Variants in CFI observed in about 807,000 individuals in gnomAD.
The protein encoded by CFI is complement factor I.
CFI carries 66 observed loss-of-function variants against 78.8 expected under a neutral mutation model. The ratio of observed to expected loss-of-function variants is 0.84; its 90% CI spans 0.69 to 1.03. CFI has a LOEUF of 1.03. CFI is among the 50% of genes least tolerant of loss of function. The pLI is 0.00. For synonymous variants in CFI, 250 were observed against 232.6 expected (o/e 1.07, Z -0.68); for missense variants, 706 against 704.5 (o/e 1.00, Z -0.02).
At chr4:109,751,366 A>T (rs1305295338) in intron 8 of CFI, among the ~76,000 whole-genome samples, 1 of 149,952 alleles carries the variant, frequency 6.7e-6, no homozygotes, top group Non-Finnish European at 1.5e-5. Context: ...AATGAATGTT[A>T]TTCTGAGTAA....
At chr4:109,777,078 A>G (rs1200967854) in intron 1 of CFI, among the ~76,000 whole-genome samples, 1 of 152,200 alleles carries the variant, frequency 6.6e-6, no homozygotes, top group Non-Finnish European at 1.5e-5. Flanking sequence ...CGAGCAAAAT[A>G]ACCAGCTAAC....
In CFI at chr4:109,761,498, A is replaced by T. The variant is rs2075503224; in HGVS notation, c.658+19T>A. ...CAACCTTCAAGGAAGGGAAAATAAC[A>T]GGCAAATACTCCACCAACCTGCTTT... On this transcript the variant is annotated intron_variant, in intron 4 of 12. Coordinates refer to ENST00000394634, the MANE Select transcript of CFI (RefSeq NM_000204.5). The T allele has an allele frequency of 6.2e-7, 1 of 1,612,580 alleles. No individual in the cohort carries two copies. The highest frequency in any genetic ancestry group is 8.5e-7 in the Non-Finnish European group (1 of 1,178,764).
intron 1 of CFI, among the ~76,000 whole-genome samples, chr4:109,785,811 T>C (rs1730669958): frequency 6.6e-6 from 1 of 151,970 alleles, no homozygotes; most frequent in Non-Finnish European, 1.5e-5. Context: ...ACCTGATGGT[T>C]TCATAAGGGG....
intron 3 of CFI, among the ~76,000 whole-genome samples, chr4:109,762,794 A>G (rs1727250456): frequency 6.6e-6 from 1 of 152,222 alleles, no homozygotes; most frequent in Admixed American, 6.5e-5. Context: ...TAAAAATACT[A>G]TATAAAATGC....
At position 109,796,987 on chromosome 4, in the gene CFI, GT is replaced by G. The variant is rs1263721263; in HGVS notation, c.57+4927del. 6.6e-5 allele frequency among the ~76,000 whole-genome samples: 10 copies of G among 152,168 alleles called. 1 individual carries two copies. Among genetic ancestry groups the G allele is most frequent in the Admixed American group, 5.9e-4 (9 of 15,284 alleles). ...ACTGAAAGAATTAATATTGTTAAAT[GT>G]TTATACTATTACAAATAATCTACAG... On this transcript the variant is annotated intron_variant, in intron 1 of 12. Coordinates refer to ENST00000394634, the MANE Select transcript of CFI (RefSeq NM_000204.5).
intron 1 of CFI, among the ~76,000 whole-genome samples, chr4:109,797,225 A>G (rs1732163355): frequency 6.6e-6 from 1 of 152,252 alleles, no homozygotes; most frequent in Non-Finnish European, 1.5e-5. Flanking sequence ...TCATAAAAAC[A>G]GACATATAGA....
intron 6 of CFI, 199 bp from the exon 7 acceptor site, chr4:109,757,982 C>G: frequency 6.9e-7 from 1 of 1,451,656 alleles, no homozygotes; most frequent in Non-Finnish European, 9.1e-7. Context: ...ACAAAAAACT[C>G]ACTATAGCAA....
At position 109,764,682 on chromosome 4, in the gene CFI, T is replaced by A. The variant is rs1727512062; in HGVS notation, c.337A>T (p.Ser113Cys). 1 of 1,613,408 alleles carries A rather than the reference T, an allele frequency of 6.2e-7. No individual in the cohort carries two copies. The highest frequency in any genetic ancestry group is 2.2e-5 in the East Asian group (1 of 44,878). Residue 113 changes from serine (S) to cysteine (C), a missense_variant, in exon 3 of 13, where the codon AGT becomes TGT. Physicochemically the swap from Ser to Cys is moderately radical, Grantham distance 112 (BLOSUM62 -1). Coordinates refer to ENST00000394634, the MANE Select transcript of CFI (RefSeq NM_000204.5). ...NGTCTAEGKF[S>C]VSLKHGNTDS... ...GTATTTCCATGCTTCAAGGAAACAC[T>A]AAACTTTCCTAAAATAAAAAAACAA... is the stretch of plus-strand genomic sequence containing the variant.
At chr4:109,792,519 C>A (rs912190780) in intron 1 of CFI, among the ~76,000 whole-genome samples, 2 of 152,082 alleles carry the variant, frequency 1.3e-5, no homozygotes, top group Non-Finnish European at 2.9e-5. Flanking sequence ...GAGCCGATAT[C>A]ATGCCACTGC....
intron 6 of CFI, 121 bp downstream of exon 6, chr4:109,760,149 C>T: frequency 1.4e-6 from 1 of 739,710 alleles, no homozygotes; most frequent in Non-Finnish European, 2.5e-6. Flanking sequence ...CAAATGCCCA[C>T]TCAGTGTTCT....
At chr4:109,732,584 G>T in the CFI span, among the ~76,000 whole-genome samples, 1 of 152,132 alleles carries the variant, frequency 6.6e-6, no homozygotes, top group Non-Finnish European at 1.5e-5. Flanking sequence ...ATGGCCGGGT[G>T]CGGTGGCTCA....
chr4:109,761,614 T>C lies in CFI; in HGVS notation c.561A>G (p.Arg187=). 1 of 1,613,910 alleles carries C rather than the reference T, an allele frequency of 6.2e-7. No homozygotes were observed. Among genetic ancestry groups the C allele is most frequent in the Non-Finnish European group, 8.5e-7 (1 of 1,179,822 alleles). ...NSTECLHVHC[R]GLETSLAECT... is the part of the protein sequence containing the mutation. ...ATTCAGCCAAACTGGTCTCTAATCC[T>C]CGGCAATGCACATGTAGACATTCAG... Residue 187 remains arginine (R), a synonymous_variant, in exon 4 of 13, where the codon CGA becomes CGG. Coordinates refer to ENST00000394634, the MANE Select transcript of CFI (RefSeq NM_000204.5).
intron 1 of CFI, among the ~76,000 whole-genome samples, chr4:109,796,769 C>T (rs1186245069): frequency 1.3e-5 from 2 of 152,182 alleles, no homozygotes; most frequent in African/African-American, 4.8e-5. Flanking sequence ...TGCATTCCCA[C>T]CTGGGCAACA....
chr4:109,739,286 A>C (rs189037683), downstream of CFI, among the ~76,000 whole-genome samples: 631 of 152,196 alleles, frequency 4.1e-3, 5 homozygotes, highest in African/African-American at 0.015. Flanking sequence ...CTTAAAAAAA[A>C]AAAAAAGAGT....
chr4:109,789,484 T>A (rs1731122625), intron 1 of CFI, among the ~76,000 whole-genome samples: 1 of 152,016 alleles, frequency 6.6e-6, no homozygotes, highest in South Asian at 2.1e-4. Context: ...ACATTTCTCA[T>A]CAATAATGCA....
chr4:109,749,596 C>T lies in CFI; in HGVS notation c.947G>A (p.Arg316Lys). 6.3e-7 allele frequency: 1 copy of T among 1,587,154 alleles called. No individual in the cohort carries two copies. The highest frequency in any genetic ancestry group is 8.7e-7 in the Non-Finnish European group (1 of 1,155,592). The change falls in exon 9 of 13, where the codon AGA (arginine) becomes AAA (lysine). Residue 316 changes from arginine (R) to lysine (K), a missense_variant. Physicochemically the swap from Arg to Lys is conservative, Grantham distance 26. Coordinates refer to ENST00000394634, the MANE Select transcript of CFI (RefSeq NM_000204.5). ...ILTADMDAER[R>K]RIKSLLPKLS... ...TTTAGGTAATAATGATTTTATCCGT[C>T]TTCTTTCTTCAAGAAAGGAAGAGAT...
rs763024202 is a variant in CFI, at chr4:109,798,610, A to G, written c.57+3305T>C. ...TTCATTTCTTCTGTAAATGGTCCAT[A>G]CTTTCTCATATCTTTGCATGCATCA... On this transcript the variant is annotated intron_variant, in intron 1 of 12. Transcript: ENST00000394634. 1.1e-4 allele frequency among the ~76,000 whole-genome samples: 17 copies of G among 151,642 alleles called. 1 individual carries two copies. Among genetic ancestry groups the G allele is most frequent in the South Asian group, 8.3e-4 (4 of 4,796 alleles).
chr4:109,799,208 T>C (rs1350779807), intron 1 of CFI, among the ~76,000 whole-genome samples: 3 of 152,156 alleles, frequency 2.0e-5, no homozygotes, highest in South Asian at 4.1e-4. Context: ...TGGTGCTCTG[T>C]TGTGTGCCTC....
At chr4:109,749,803 G>C (rs934188349) in intron 8 of CFI, among the ~76,000 whole-genome samples, 2 of 152,128 alleles carry the variant, frequency 1.3e-5, no homozygotes, top group African/African-American at 4.8e-5. Context: ...AAATTGGCTT[G>C]ATTCTCTGAA....
Sources: allele counts gnomAD v4.1 joint callset (sites outside exome capture counted in the v4.1 genomes callset), GRCh38; gene constraint gnomAD v4.1.1; transcripts MANE v1.5; gene names NCBI Gene and HGNC (gene_info 2026-07-23, HGNC 2026-07-21).